IQSEC3: variants seen among roughly 807,000 people sequenced by gnomAD.
IQSEC3 encodes IQ motif and SEC7 domain-containing protein 3.
A neutral mutation model predicts 105.4 loss-of-function variants in IQSEC3; 50 were observed. That is an observed-to-expected ratio of 0.47 (90% CI 0.38 to 0.60). The LOEUF (loss-of-function observed/expected upper bound fraction) is 0.60, where lower values mean the gene tolerates loss of function less well. Among genes scored for constraint, IQSEC3 ranks in the 20% least tolerant of loss-of-function variants. The probability of loss-of-function intolerance (pLI) is 0.00; values close to 1 mark genes in which losing one functional copy is unlikely to be tolerated. For synonymous variants in IQSEC3, 708 were observed against 746.0 expected, an observed-to-expected ratio of 0.95 and a Z score of 0.83; for missense variants, 1,415 against 1,630.0, an observed-to-expected ratio of 0.87 and a Z score of 2.27.
At chr12:98,559 C>T (rs1864312921) in intron 1 of IQSEC3, among the ~76,000 whole-genome samples, 1 of 152,196 alleles carries the variant, frequency 6.6e-6, no homozygotes, top group Non-Finnish European at 1.5e-5. Flanking sequence ...AACTGTAGAG[C>T]TGGGACTAGA....
intron 2 of IQSEC3, among the ~76,000 whole-genome samples, chr12:114,414 C>T (rs1377479364): frequency 3.3e-5 from 5 of 152,228 alleles, no homozygotes; most frequent in Middle Eastern, 3.4e-3. Context: ...AGGTGTTGGG[C>T]GTGGAGAAGA....
In IQSEC3 at chr12:138,494, G is replaced by A; in HGVS notation, c.1131G>A (p.Val377=). Residue 377 remains valine, a synonymous_variant, in exon 4 of 14, where the codon GTG becomes GTA. Coordinates refer to ENST00000538872, the MANE Select transcript of IQSEC3 (RefSeq NM_001170738.2). The surrounding 1 kb of genome is among the most constrained non-coding windows in gnomAD (Gnocchi z 7.1). ...EKALMEGYGL[V]GLPLVRSPSL... The stretch of plus-strand genomic sequence containing the variant: ...CGCTCATGGAGGGCTACGGCCTCGT[G>A]GGGCTGCCGCTGGTGCGCTCGCCCT... 1 of 1,588,842 alleles carries A rather than the reference G, an allele frequency of 6.3e-7. No homozygotes were observed. The highest frequency in any genetic ancestry group is 8.5e-7 in the Non-Finnish European group (1 of 1,173,550).
chr12:68,502 G>T (rs1863185760), intron 1 of IQSEC3, among the ~76,000 whole-genome samples: 2 of 152,202 alleles, frequency 1.3e-5, no homozygotes, highest in Non-Finnish European at 2.9e-5. Flanking sequence ...ATGGGAAGAA[G>T]ATATGAAAGT....
Position 165,781 on chromosome 12 carries a change from G to A in IQSEC3, c.2862G>A (p.Lys954=). ...CCCCGCTCTCGGGCTCCGAGAAGAA[G>A]CAGGTGCTGCATTTCTGTGCCCTGG... ...LVTPLSGSEK[K]QVLHFCALGS... is the part of the protein sequence containing the mutation. The change falls in exon 11 of 14, where the codon AAG becomes AAA. Residue 954 remains lysine, a synonymous_variant. Transcript: ENST00000538872. The A allele has an allele frequency of 6.2e-7, 1 of 1,614,034 alleles. No individual in the cohort carries two copies. The highest frequency in any genetic ancestry group is 8.5e-7 in the Non-Finnish European group (1 of 1,180,042).
At chr12:167,008 T>G (rs190350340) in intron 11 of IQSEC3, 1 of 152,322 alleles carries the variant, frequency 6.6e-6, no homozygotes, top group Admixed American at 6.5e-5. Context: ...TTCTGTTTAT[T>G]TTTTTCTAAG....
Position 151,380 on chromosome 12 carries a change from C to T in IQSEC3, c.2154-5645C>T, listed in dbSNP as rs540461788. 3.3e-5 allele frequency among the ~76,000 whole-genome samples: 5 copies of T among 152,332 alleles called. No individual in the cohort carries two copies. The South Asian group carries it at 6.2e-4, about 19-fold the overall frequency. Reference sequence around the variant, plus strand: ...CACCAGTGATGCCTCCCTTTCCTCACTTCCCACATTCCCTGCACCTCGAGT... The same window carrying T: ...CACCAGTGATGCCTCCCTTTCCTCATTTCCCACATTCCCTGCACCTCGAGT... On this transcript the variant is annotated intron_variant, in intron 5 of 13. Transcript: ENST00000538872.
At chr12:165,623 G>C in intron 10 of IQSEC3, 90 bp downstream of exon 10, 1 of 1,567,302 alleles carries the variant, frequency 6.4e-7, no homozygotes, top group South Asian at 1.1e-5. Context: ...CTGGACAGCA[G>C]AGTGGGTGGA....
chr12:171,017 AG>A, intron 12 of IQSEC3, 94 bp from the exon 13 acceptor site: 2 of 1,496,620 alleles, frequency 1.3e-6, no homozygotes, highest in Non-Finnish European at 1.9e-6. Context: ...TGTGACCCCA[AG>A]TCTTAGCTGC....
At chr12:70,182 G>A (rs1427700193) in intron 1 of IQSEC3, among the ~76,000 whole-genome samples, 9 of 152,278 alleles carry the variant, frequency 5.9e-5, no homozygotes, top group African/African-American at 2.2e-4. Flanking sequence ...CACTCTGGTA[G>A]ATGCATTATG....
chr12:147,786 T>A (rs1442017840), intron 5 of IQSEC3: 6 of 152,182 alleles, frequency 3.9e-5, no homozygotes, highest in Non-Finnish European at 7.4e-5. Flanking sequence ...GCCCCGATCC[T>A]CTCAATTTGG....
intron 3 of IQSEC3, among the ~76,000 whole-genome samples, chr12:135,882 C>T (rs927580857): frequency 1.3e-5 from 2 of 152,198 alleles, no homozygotes; most frequent in Admixed American, 1.3e-4. Context: ...TGACTGATAT[C>T]TTGGTTTCAG....
chr12:130,439 T>C (rs781948849), intron 3 of IQSEC3, among the ~76,000 whole-genome samples: 4 of 152,166 alleles, frequency 2.6e-5, no homozygotes, highest in Non-Finnish European at 5.9e-5. Flanking sequence ...AGCCAAGACA[T>C]GGACTCCGCA....
chr12:110,929 C>A (rs1435515623), intron 2 of IQSEC3, among the ~76,000 whole-genome samples: 2 of 152,160 alleles, frequency 1.3e-5, no homozygotes, highest in Non-Finnish European at 2.9e-5. Context: ...GTCCTTCTTA[C>A]ATTGTTCTAA....
chr12:172,877 C>T (rs1456519925), intron 13 of IQSEC3, among the ~76,000 whole-genome samples: 1 of 152,132 alleles, frequency 6.6e-6, no homozygotes, highest in Non-Finnish European at 1.5e-5. Context: ...GTGGGGGGAC[C>T]AGAGCAGGGG....
chr12:118,634 G>A (rs538847100), intron 2 of IQSEC3, among the ~76,000 whole-genome samples: 33 of 150,930 alleles, frequency 2.2e-4, no homozygotes, highest in African/African-American at 6.3e-4. Flanking sequence ...AGCCATTGCC[G>A]AGATAGGAGA....
intron 2 of IQSEC3, among the ~76,000 whole-genome samples, chr12:125,282 C>T (rs140007975): frequency 6.6e-6 from 1 of 152,306 alleles, no homozygotes; most frequent in East Asian, 1.9e-4. Context: ...GATGGAGAAA[C>T]AGAGGTGCAA....
At chr12:68,630 T>A (rs1462464841) in intron 1 of IQSEC3, among the ~76,000 whole-genome samples, 2 of 152,282 alleles carry the variant, frequency 1.3e-5, no homozygotes, top group African/African-American at 4.8e-5. Context: ...TTGTCCCTGG[T>A]CAGCACCTGA....
chr12:119,723 C>A (rs1865158748), intron 2 of IQSEC3, among the ~76,000 whole-genome samples: 1 of 152,324 alleles, frequency 6.6e-6, no homozygotes, highest in Non-Finnish European at 1.5e-5. Context: ...GCACATCAAC[C>A]TCAGCCCATG....
At chr12:104,858 G>A (rs1413252500) in intron 2 of IQSEC3, among the ~76,000 whole-genome samples, 1 of 152,248 alleles carries the variant, frequency 6.6e-6, no homozygotes, top group Non-Finnish European at 1.5e-5. Context: ...CCTGAAACAT[G>A]AGCAATGGAC....
Sources: allele counts gnomAD v4.1 joint callset (sites outside exome capture counted in the v4.1 genomes callset), GRCh38; gene constraint gnomAD v4.1.1; non-coding constraint Gnocchi (gnomAD v3.1); transcripts MANE v1.5; gene names NCBI Gene and HGNC (gene_info 2026-07-23, HGNC 2026-07-21).